PBRM1: variants seen among roughly 807,000 people sequenced by gnomAD.
The protein encoded by PBRM1 is protein polybromo-1.
Under a neutral mutation model 194.5 loss-of-function variants are expected in PBRM1, and 27 were observed. The ratio of observed to expected loss-of-function variants is 0.14; its 90% CI spans 0.10 to 0.19. PBRM1 has a LOEUF of 0.19. PBRM1 is among the 10% of genes least tolerant of loss of function. PBRM1 has a pLI of 1.00. For synonymous variants in PBRM1, 655 were observed against 693.2 expected (o/e 0.94, Z 0.87); for missense variants, 1,466 against 2,077.2 (o/e 0.71, Z 5.72).
intron 21 of PBRM1, among the ~76,000 whole-genome samples, chr3:52,577,124 T>C (rs2089852909): frequency 6.6e-6 from 1 of 152,160 alleles, no homozygotes; most frequent in Non-Finnish European, 1.5e-5. Flanking sequence ...TATAATCTTT[T>C]TGAAGGTCAA....
intron 11 of PBRM1, among the ~76,000 whole-genome samples, chr3:52,633,556 A>G (rs1176023005): frequency 1.3e-5 from 2 of 152,098 alleles, no homozygotes; most frequent in Non-Finnish European, 2.9e-5. Context: ...TCACATGGTA[A>G]TTCTGTGTTT....
chr3:52,656,187 T>C (rs1298926418), intron 5 of PBRM1, among the ~76,000 whole-genome samples: 1 of 152,222 alleles, frequency 6.6e-6, no homozygotes, highest in Non-Finnish European at 1.5e-5. Context: ...TAAAGAATTC[T>C]GATACTTTTT....
intron 17 of PBRM1, among the ~76,000 whole-genome samples, chr3:52,597,795 C>G (rs1180474844): frequency 6.6e-6 from 1 of 152,118 alleles, no homozygotes; most frequent in African/African-American, 2.4e-5. Context: ...CCTCTGCCTC[C>G]CAGGTTCAAG....
At chr3:52,608,001 T>C (rs2094435552) in intron 16 of PBRM1, among the ~76,000 whole-genome samples, 1 of 152,242 alleles carries the variant, frequency 6.6e-6, no homozygotes, top group Non-Finnish European at 1.5e-5. Flanking sequence ...GGCCTATTCA[T>C]TTGAACCCTA....
intron 2 of PBRM1, among the ~76,000 whole-genome samples, chr3:52,677,557 C>T (rs1442230896): frequency 6.6e-5 from 10 of 152,028 alleles, no homozygotes; most frequent in East Asian, 3.9e-4. Context: ...GGATTACAGG[C>T]GCCCACCACC....
chr3:52,668,454 G>A (rs1334276572), intron 3 of PBRM1, 44 bp downstream of exon 4: 1 of 1,383,034 alleles, frequency 7.2e-7, no homozygotes. Flanking sequence ...TTATCAAATT[G>A]GTATCTTCCA....
chr3:52,624,810 G>A, intron 13 of PBRM1, 87 bp downstream of exon 15: 2 of 878,270 alleles, frequency 2.3e-6, no homozygotes, highest in Admixed American at 4.1e-5. Context: ...ACATGCTTAA[G>A]GCTTCACTTT....
intron 17 of PBRM1, among the ~76,000 whole-genome samples, chr3:52,599,987 G>C (rs928281127): frequency 6.6e-6 from 1 of 151,984 alleles, no homozygotes; most frequent in African/African-American, 2.4e-5. Context: ...CCAATGTAAA[G>C]TGTGCATTTC....
chr3:52,612,864 C>T (rs1410007099), intron 15 of PBRM1, among the ~76,000 whole-genome samples: 2 of 149,576 alleles, frequency 1.3e-5, no homozygotes, highest in Non-Finnish European at 3.0e-5. Context: ...CGAGATCGTG[C>T]CACTGCACTC....
At chr3:52,557,679 A>G (rs994554753) in intron 26 of PBRM1, among the ~76,000 whole-genome samples, 4 of 152,196 alleles carry the variant, frequency 2.6e-5, no homozygotes, top group Non-Finnish European at 1.5e-5. Flanking sequence ...GTTTAATGTA[A>G]TTAAATAGAA....
chr3:52,631,086 G>C (rs2095602484), intron 11 of PBRM1, among the ~76,000 whole-genome samples: 1 of 152,038 alleles, frequency 6.6e-6, no homozygotes, highest in Non-Finnish European at 1.5e-5. Flanking sequence ...TAATTTCCAT[G>C]TTATTTTAAT....
intron 14 of PBRM1, among the ~76,000 whole-genome samples, chr3:52,616,953 C>T (rs1228842288): frequency 6.6e-6 from 1 of 152,186 alleles, no homozygotes; most frequent in East Asian, 1.9e-4. Flanking sequence ...CCTACAACAA[C>T]CCTGATGCAA....
chr3:52,555,689 A>G (rs1196178540), intron 26 of PBRM1, among the ~76,000 whole-genome samples: 2 of 152,216 alleles, frequency 1.3e-5, no homozygotes, highest in Non-Finnish European at 2.9e-5. Context: ...GTCCTCATAT[A>G]AACCTTAACA....
chr3:52,546,561 A>G (rs2079704705), downstream of PBRM1: 2 of 230,018 alleles, frequency 8.7e-6, no homozygotes, highest in African/African-American at 2.2e-5. Flanking sequence ...ACATCTGGGT[A>G]CTGATTCATA....
At chr3:52,597,914 G>A (rs1412093057) in intron 17 of PBRM1, among the ~76,000 whole-genome samples, 1 of 152,128 alleles carries the variant, frequency 6.6e-6, no homozygotes, top group African/African-American at 2.4e-5. Context: ...ATGTTGGTCA[G>A]GCTGGTCTCG....
At chr3:52,669,239 A>T (rs78262824) in intron 2 of PBRM1, among the ~76,000 whole-genome samples, 1 of 66,622 alleles carries the variant, frequency 1.5e-5, no homozygotes, top group Non-Finnish European at 4.1e-5. Context: ...AACTCTTCGG[A>T]AAAAAAAAAC....
chr3:52,624,851 AG>A, intron 13 of PBRM1, 45 bp downstream of exon 15: 2 of 1,266,968 alleles, frequency 1.6e-6, no homozygotes, highest in Non-Finnish European at 2.3e-6. Flanking sequence ...ATGCCACAGA[AG>A]ATACACTTTA....
chr3:52,645,965 T>A (rs1204757512), intron 7 of PBRM1, among the ~76,000 whole-genome samples: 1 of 152,162 alleles, frequency 6.6e-6, no homozygotes, highest in Admixed American at 6.5e-5. Flanking sequence ...GACCTAAAAA[T>A]CAAAATACAG....
intron 11 of PBRM1, among the ~76,000 whole-genome samples, chr3:52,629,402 G>A (rs543963799): frequency 6.6e-6 from 1 of 152,292 alleles, no homozygotes; most frequent in South Asian, 2.1e-4. Flanking sequence ...GAAAATTAGG[G>A]AGGTTTTAAG....
Sources: gnomAD v4.1 joint callset for allele counts (sites outside exome capture counted in the v4.1 genomes callset) on GRCh38, gnomAD v4.1.1 for gene constraint, MANE v1.5 for transcripts, NCBI Gene and HGNC (gene_info 2026-07-23, HGNC 2026-07-21) for gene names.